Variants in MSRA observed in about 807,000 individuals in gnomAD.
MSRA encodes mitochondrial peptide methionine sulfoxide reductase.
A neutral mutation model predicts 31.3 loss-of-function variants in MSRA; 54 were observed. The observed-to-expected ratio is 1.73, with a 90% CI of 1.39 to 2.17. The LOEUF (loss-of-function observed/expected upper bound fraction) is 2.17, where lower values mean the gene tolerates loss of function less well. Ranked by LOEUF, MSRA falls within the 30% of genes most tolerant of loss-of-function variation. The pLI is 0.00. For synonymous variants in MSRA, 169 were observed against 116.5 expected (o/e 1.45, Z -2.90); for missense variants, 507 against 300.9 (o/e 1.69, Z -5.07).
intron 3 of MSRA, among the ~76,000 whole-genome samples, chr8:10,253,392 C>G (rs1392485748): frequency 9.9e-5 from 15 of 152,170 alleles, no homozygotes; most frequent in Admixed American, 9.8e-4. Context: ...TAAATCACTG[C>G]TGAGGAACAG....
chr8:10,270,757 C>A (rs1170007701), intron 3 of MSRA, among the ~76,000 whole-genome samples: 1 of 152,120 alleles, frequency 6.6e-6, no homozygotes, highest in Admixed American at 6.5e-5. Flanking sequence ...CACATCAGAC[C>A]CTATGAAGAA....
At position 10,280,899 on chromosome 8, in the gene MSRA, G is replaced by T. The variant is rs1164082916; in HGVS notation, c.332-20635G>T. On this transcript the variant is annotated intron_variant, in intron 3 of 5. Coordinates refer to ENST00000317173, the MANE Select transcript of MSRA (RefSeq NM_012331.5). ...ATGTGCTACATGAAAGAATCCACTC[G>T]CAAAAAACCATAGAGTGTATGATTC... Among the ~76,000 whole-genome samples, 4 of 152,104 alleles carry T rather than the reference G, an allele frequency of 2.6e-5. No individual in the cohort carries two copies. In the East Asian group the frequency reaches 7.7e-4, roughly 29 times the overall value.
At chr8:10,160,548 G>A (rs6984706) in intron 1 of MSRA, among the ~76,000 whole-genome samples, 7,653 of 151,628 alleles carry the variant, frequency 0.05, 628 homozygotes, top group African/African-American at 0.17. Context: ...TCCATGACAC[G>A]TCCTTAAAAC....
intron 1 of MSRA, among the ~76,000 whole-genome samples, chr8:10,079,996 T>G (rs1798206485): frequency 6.6e-6 from 1 of 152,232 alleles, no homozygotes; most frequent in South Asian, 2.1e-4. Flanking sequence ...GCTTAGCACT[T>G]TCTCTCTTCC....
At chr8:10,064,423 G>T (rs1797357678) in intron 1 of MSRA, among the ~76,000 whole-genome samples, 1 of 151,926 alleles carries the variant, frequency 6.6e-6, no homozygotes, top group African/African-American at 2.4e-5. Flanking sequence ...TTTCATGGAA[G>T]TGCATCTGTA....
intron 1 of MSRA, among the ~76,000 whole-genome samples, chr8:10,175,702 G>A (rs371329175): frequency 1.2e-3 from 178 of 152,344 alleles, no homozygotes; most frequent in Non-Finnish European, 1.8e-3. Flanking sequence ...TCACTTTGAA[G>A]ATGTTTGGTA....
At chr8:10,337,639 A>C in intron 5 of MSRA, 1 of 685,024 alleles carries the variant, frequency 1.5e-6, no homozygotes, top group East Asian at 2.7e-5. Flanking sequence ...ATATTGTCAC[A>C]TTTTCCTTGA....
intron 1 of MSRA, among the ~76,000 whole-genome samples, chr8:10,089,441 A>G (rs1798750494): frequency 6.6e-6 from 1 of 152,144 alleles, no homozygotes; most frequent in Non-Finnish European, 1.5e-5. Flanking sequence ...TGGAGGGAAA[A>G]TGCCTCATAT....
chr8:10,239,322 C>A (rs984289467), intron 2 of MSRA, among the ~76,000 whole-genome samples: 1 of 152,120 alleles, frequency 6.6e-6, no homozygotes, highest in Non-Finnish European at 1.5e-5. Context: ...CCACCATGCC[C>A]AGCTAATTTT....
At chr8:10,384,540 C>A (rs377269646) in intron 5 of MSRA, among the ~76,000 whole-genome samples, 8 of 152,156 alleles carry the variant, frequency 5.3e-5, no homozygotes, top group African/African-American at 1.9e-4. Context: ...TAACCAGTGG[C>A]GGTTTGAAAA....
chr8:10,393,072 A>C (rs1219196398), intron 5 of MSRA, among the ~76,000 whole-genome samples: 1 of 150,872 alleles, frequency 6.6e-6, no homozygotes, highest in East Asian at 1.9e-4. Flanking sequence ...AAAAAAAAAA[A>C]AAAAAAAAAA....
intron 3 of MSRA, among the ~76,000 whole-genome samples, chr8:10,283,969 C>A (rs1328198220): frequency 6.6e-6 from 1 of 151,252 alleles, no homozygotes; most frequent in Non-Finnish European, 1.5e-5. Context: ...CATGCATGTG[C>A]AAGTATCTTT....
rs1462970068 is a variant in MSRA at position 10,108,783 on chromosome 8, G to A, written c.142+54125G>A. ...TAAACAAACTAATGACTGGTGGTTG[G>A]TTGTCAAATGAGTTGTTGGGAAATT... On this transcript the variant is annotated intron_variant, in intron 1 of 5. Coordinates refer to ENST00000317173, the MANE Select transcript of MSRA (RefSeq NM_012331.5). 2.0e-5 allele frequency among the ~76,000 whole-genome samples: 3 copies of A among 151,314 alleles called. No individual in the cohort carries two copies. The South Asian group carries it at 6.3e-4, about 32-fold the overall frequency.
intron 3 of MSRA, among the ~76,000 whole-genome samples, chr8:10,294,199 A>G (rs1026012662): frequency 6.6e-6 from 1 of 152,182 alleles, no homozygotes; most frequent in Admixed American, 6.5e-5. Flanking sequence ...AGACTCCTCT[A>G]TCTCTAAATA....
intron 1 of MSRA, among the ~76,000 whole-genome samples, chr8:10,150,846 C>T (rs1803600764): frequency 1.3e-5 from 2 of 152,152 alleles, no homozygotes; most frequent in African/African-American, 4.8e-5. Context: ...TTTCCAGCAT[C>T]GTTTCTGCTG....
intron 5 of MSRA, among the ~76,000 whole-genome samples, chr8:10,352,102 C>T (rs527405069): frequency 1.5e-4 from 23 of 152,296 alleles, no homozygotes; most frequent in African/African-American, 5.3e-4. Flanking sequence ...TTCCTAGCTC[C>T]TGATTGATCA....
chr8:10,183,234 T>G (rs187329345), intron 1 of MSRA, among the ~76,000 whole-genome samples: 1 of 152,298 alleles, frequency 6.6e-6, no homozygotes, highest in East Asian at 1.9e-4. Flanking sequence ...TTTAGGCCAT[T>G]GTCACACTAG....
At chr8:10,296,128 C>T (rs781461689) in intron 3 of MSRA, among the ~76,000 whole-genome samples, 3 of 152,140 alleles carry the variant, frequency 2.0e-5, no homozygotes, top group Non-Finnish European at 4.4e-5. Context: ...GAAGGCTGAG[C>T]TGCAGTCTCC....
chr8:10,086,401 G>A (rs903247092), intron 1 of MSRA, among the ~76,000 whole-genome samples: 11 of 152,190 alleles, frequency 7.2e-5, no homozygotes, highest in African/African-American at 2.7e-4. Flanking sequence ...CTTTGAAGAA[G>A]CACCGTTAAG....
Sources: gnomAD v4.1 joint callset for allele counts (sites outside exome capture counted in the v4.1 genomes callset) on GRCh38, gnomAD v4.1.1 for gene constraint, MANE v1.5 for transcripts, NCBI Gene and HGNC (gene_info 2026-07-23, HGNC 2026-07-21) for gene names.